SPAG16: variants seen among roughly 807,000 people sequenced by gnomAD.
SPAG16 encodes sperm-associated antigen 16 protein.
In SPAG16, 86 loss-of-function variants were observed where a neutral mutation model predicts 80.4. That is an observed-to-expected ratio of 1.07 (90% CI 0.90 to 1.28). The LOEUF (loss-of-function observed/expected upper bound fraction) is 1.28. Ranked by LOEUF, SPAG16 falls within the 50% of genes most tolerant of loss-of-function variation. SPAG16 has a pLI of 0.00. For missense variants in SPAG16, 870 were observed against 765.3 expected, an observed-to-expected ratio of 1.14 and a Z score of -1.61; for synonymous variants, 294 against 265.9, an observed-to-expected ratio of 1.11 and a Z score of -1.03.
chr2:213,976,129 TATATATAC>T (rs765534726), intron 12 of SPAG16, among the ~76,000 whole-genome samples: 4 of 104,670 alleles, frequency 3.8e-5, no homozygotes, highest in South Asian at 5.4e-4. Context: ...TATATATATA[TATATATAC>T]ACACACACAC....
rs562015228 is a variant in SPAG16 at position 213,777,592 on chromosome 2, A to AGAGAC, written c.1071-84891_1071-84887dup. Among the ~76,000 whole-genome samples the AGAGAC allele has an allele frequency of 1.3e-3, 202 of 152,208 alleles. 1 individual carries two copies. Among genetic ancestry groups the AGAGAC allele is most frequent in the African/African-American group, 4.7e-3 (196 of 41,536 alleles). On this transcript the variant is annotated intron_variant, in intron 10 of 15. Transcript: ENST00000331683. ...GGCTAATTTTTTAAGTATTTTTAGT[A>AGAGAC]GAGACGGGGTTTCACCTTGTTCGCC...
intron 11 of SPAG16, among the ~76,000 whole-genome samples, chr2:213,899,526 C>T (rs1250988670): frequency 2.0e-5 from 3 of 152,026 alleles, no homozygotes; most frequent in South Asian, 2.1e-4. Context: ...GATTTAAAGC[C>T]TCTTCCAGGC....
At chr2:213,765,172 C>T (rs1456997270) in intron 10 of SPAG16, among the ~76,000 whole-genome samples, 1 of 152,208 alleles carries the variant, frequency 6.6e-6, no homozygotes, top group Non-Finnish European at 1.5e-5. Flanking sequence ...AGACCGAGAC[C>T]ATCCTGGCCA....
intron 15 of SPAG16, among the ~76,000 whole-genome samples, chr2:214,295,673 C>A (rs181595006): frequency 6.6e-6 from 1 of 152,242 alleles, no homozygotes; most frequent in Admixed American, 6.5e-5. Context: ...TGTCTGTAAT[C>A]CCAGCTACTT....
At chr2:213,659,008 C>T (rs2063324739) in intron 10 of SPAG16, among the ~76,000 whole-genome samples, 2 of 152,128 alleles carry the variant, frequency 1.3e-5, no homozygotes, top group Non-Finnish European at 2.9e-5. Context: ...AGCACTCAAG[C>T]CTGGCAACAG....
chr2:213,506,454 A>AT (rs908158757), intron 10 of SPAG16, among the ~76,000 whole-genome samples: 6 of 152,048 alleles, frequency 3.9e-5, no homozygotes, highest in African/African-American at 1.4e-4. Context: ...GTCAAGTTAT[A>AT]TTTTTTTTAC....
intron 11 of SPAG16, among the ~76,000 whole-genome samples, chr2:213,891,380 T>A (rs1368591056): frequency 3.9e-5 from 6 of 152,118 alleles, no homozygotes; most frequent in Admixed American, 3.9e-4. Flanking sequence ...TTGTTACTTT[T>A]AGAGATACCA....
At chr2:214,113,590 C>G (rs1452272158) in intron 14 of SPAG16, among the ~76,000 whole-genome samples, 1 of 152,156 alleles carries the variant, frequency 6.6e-6, no homozygotes, top group Non-Finnish European at 1.5e-5. Context: ...ATCACTGATA[C>G]CCTTTCTTCC....
intron 15 of SPAG16, among the ~76,000 whole-genome samples, chr2:214,167,537 G>T (rs774922497): frequency 1.3e-5 from 2 of 152,038 alleles, no homozygotes; most frequent in Non-Finnish European, 2.9e-5. Flanking sequence ...ACTGGAGAAG[G>T]AAAGGAAAGG....
At chr2:213,539,990 G>C (rs568223072) in intron 10 of SPAG16, among the ~76,000 whole-genome samples, 2 of 149,628 alleles carry the variant, frequency 1.3e-5, no homozygotes, top group Non-Finnish European at 3.0e-5. Context: ...GAAATAAATC[G>C]AGTTTCTTAT....
chr2:213,703,707 C>T (rs2065608274), intron 10 of SPAG16, among the ~76,000 whole-genome samples: 1 of 152,190 alleles, frequency 6.6e-6, no homozygotes, highest in Non-Finnish European at 1.5e-5. Context: ...AGGTCATGCT[C>T]TCCTCAGAGT....
chr2:213,613,575 G>T (rs1342092547), intron 10 of SPAG16, among the ~76,000 whole-genome samples: 2 of 152,094 alleles, frequency 1.3e-5, no homozygotes, highest in Non-Finnish European at 2.9e-5. Context: ...TCATATGTTA[G>T]TTTCTTAGTG....
chr2:213,635,321 C>CA (rs1385217640), intron 10 of SPAG16, among the ~76,000 whole-genome samples: 3 of 152,138 alleles, frequency 2.0e-5, no homozygotes, highest in African/African-American at 7.2e-5. Flanking sequence ...AGGCGTGAGC[C>CA]ACCATGCCCA....
chr2:213,729,949 A>T (rs2066952149), intron 10 of SPAG16, among the ~76,000 whole-genome samples: 1 of 152,202 alleles, frequency 6.6e-6, no homozygotes, highest in African/African-American at 2.4e-5. Context: ...CTCCTTTTGT[A>T]AATTAAACAA....
intron 9 of SPAG16, among the ~76,000 whole-genome samples, chr2:213,457,354 G>A (rs2072082206): frequency 6.6e-6 from 1 of 152,134 alleles, no homozygotes; most frequent in African/African-American, 2.4e-5. Context: ...TTCTGTCTAT[G>A]TACTTCAGTT....
intron 13 of SPAG16, among the ~76,000 whole-genome samples, chr2:214,044,016 A>G (rs2049176696): frequency 6.6e-6 from 1 of 151,996 alleles, no homozygotes; most frequent in African/African-American, 2.4e-5. Flanking sequence ...TTAGTCTCTA[A>G]TTTTATATAG....
At chr2:214,269,602 T>C (rs1691840537) in intron 15 of SPAG16, among the ~76,000 whole-genome samples, 1 of 152,166 alleles carries the variant, frequency 6.6e-6, no homozygotes, top group African/African-American at 2.4e-5. Context: ...CAATCCACTC[T>C]ATGCCAAACT....
At chr2:213,720,471 CAA>C (rs57358797) in intron 10 of SPAG16, among the ~76,000 whole-genome samples, 60,443 of 135,664 alleles carry the variant, frequency 0.45, 14,668 homozygotes, top group Non-Finnish European at 0.55. Flanking sequence ...ACTAAAAATA[CAA>C]AAAAAAAAAA....
chr2:214,401,926 T>G (rs1366515338), intron 15 of SPAG16, among the ~76,000 whole-genome samples: 5 of 151,938 alleles, frequency 3.3e-5, no homozygotes, highest in African/African-American at 9.6e-5. Context: ...ATAAAGAAAT[T>G]TAAAGTTTTG....
Sources: gnomAD v4.1 joint callset for allele counts (sites outside exome capture counted in the v4.1 genomes callset) on GRCh38, gnomAD v4.1.1 for gene constraint, MANE v1.5 for transcripts, NCBI Gene and HGNC (gene_info 2026-07-23, HGNC 2026-07-21) for gene names.